Variants in CEP112 observed in about 807,000 individuals in gnomAD.
CEP112 encodes the protein centrosomal protein 112, also known as centrosomal protein of 112 kDa.
CEP112 carries 127 observed loss-of-function variants against 153.0 expected under a neutral mutation model. That is an observed-to-expected ratio of 0.83 (90% confidence interval 0.72 to 0.96). The LOEUF (loss-of-function observed/expected upper bound fraction) is 0.96. Among genes scored for constraint, CEP112 ranks in the 40% least tolerant of loss-of-function variants. The pLI is 0.00. For synonymous variants in CEP112, 358 were observed against 374.4 expected, an observed-to-expected ratio of 0.96 and a Z score of 0.51; for missense variants, 1,089 against 1,101.2, an observed-to-expected ratio of 0.99 and a Z score of 0.16.
At chr17:66,139,885 C>T (rs2146600412) in intron 4 of CEP112, among the ~76,000 whole-genome samples, 1 of 152,254 alleles carries the variant, frequency 6.6e-6, no homozygotes, top group East Asian at 1.9e-4. Flanking sequence ...CCTCCTCAAA[C>T]CCATTCAAAA....
chr17:66,105,322 C>A lies in CEP112; in HGVS notation c.643-8690G>T, dbSNP rs182291232. On this transcript the variant is annotated intron_variant, in intron 6 of 26. Coordinates refer to ENST00000535342, the MANE Select transcript of CEP112 (RefSeq NM_001199165.4). ...AAAACCAAGAAATTAAAACATACCA[C>A]GTGAGTAAATGGCTTTCACTAAAAG... Among the ~76,000 whole-genome samples the A allele has an allele frequency of 4.6e-5, 7 of 151,918 alleles. No individual in the cohort carries two copies. In the East Asian group the frequency reaches 1.2e-3, roughly 25 times the overall value.
intron 24 of CEP112, among the ~76,000 whole-genome samples, chr17:65,651,824 C>T (rs1253405200): frequency 1.3e-5 from 2 of 152,180 alleles, no homozygotes; most frequent in Admixed American, 6.5e-5. Context: ...CCTCAGCCTC[C>T]TGAGTAGCTG....
At chr17:66,012,660 A>AT (rs1210103523) in intron 16 of CEP112, among the ~76,000 whole-genome samples, 4 of 151,762 alleles carry the variant, frequency 2.6e-5, no homozygotes, top group African/African-American at 4.8e-5. Context: ...TGTCTTTAAT[A>AT]TTTTTTTTAT....
At chr17:65,681,209 G>A (rs929843638) in intron 24 of CEP112, among the ~76,000 whole-genome samples, 1 of 152,144 alleles carries the variant, frequency 6.6e-6, no homozygotes, top group African/African-American at 2.4e-5. Flanking sequence ...ACCCTAAGGG[G>A]CATAATGTCT....
chr17:66,171,286 T>C (rs931844351), intron 4 of CEP112, among the ~76,000 whole-genome samples: 5 of 152,030 alleles, frequency 3.3e-5, no homozygotes, highest in Non-Finnish European at 7.4e-5. Context: ...TTTTATAAAG[T>C]GATCAAAAAA....
chr17:65,781,792 T>C (rs1282285090), intron 21 of CEP112, among the ~76,000 whole-genome samples: 1 of 152,044 alleles, frequency 6.6e-6, no homozygotes, highest in East Asian at 1.9e-4. Flanking sequence ...GGGATATAGA[T>C]AGTGGGCTAG....
rs549947338 is a variant in CEP112 at position 65,726,264 on chromosome 17, G to A, written c.2607+16804C>T. 1.1e-4 allele frequency among the ~76,000 whole-genome samples: 17 copies of A among 152,040 alleles called. No individual in the cohort carries two copies. In the East Asian group the frequency reaches 1.4e-3, roughly 12 times the overall value. On this transcript the variant is annotated intron_variant, in intron 23 of 26. Transcript: ENST00000535342. Reference sequence around the variant, plus strand: ...TGAGGCAGGAGAATCGTTTGAACCCGGGAGGCAGAGGTTGCAGTGAGCTGA... The same window carrying A: ...TGAGGCAGGAGAATCGTTTGAACCCAGGAGGCAGAGGTTGCAGTGAGCTGA...
intron 24 of CEP112, among the ~76,000 whole-genome samples, chr17:65,676,584 C>G (rs2047243814): frequency 6.6e-6 from 1 of 152,114 alleles, no homozygotes; most frequent in African/African-American, 2.4e-5. Context: ...GTAAACTTCA[C>G]AAGGGCAAAG....
intron 20 of CEP112, among the ~76,000 whole-genome samples, chr17:65,853,171 G>A (rs951341229): frequency 2.6e-5 from 4 of 152,128 alleles, no homozygotes; most frequent in Non-Finnish European, 5.9e-5. Context: ...TAAAATCAAG[G>A]TGTTGGCAGA....
At chr17:65,764,453 C>T (rs2052814970) in intron 21 of CEP112, among the ~76,000 whole-genome samples, 1 of 152,218 alleles carries the variant, frequency 6.6e-6, no homozygotes, top group African/African-American at 2.4e-5. Context: ...GTCTAATGTG[C>T]TCTAATGTCT....
Position 65,796,654 on chromosome 17 carries a change from A to G in CEP112, c.2395-45930T>C, listed in dbSNP as rs376915475. 7.9e-5 allele frequency among the ~76,000 whole-genome samples: 12 copies of G among 152,288 alleles called. No individual in the cohort carries two copies. The South Asian group carries it at 1.0e-3, about 13-fold the overall frequency. ...AAAACAAAAATGCCTCAAACACCTC[A>G]TACAGTTTGAAAATATCAGTTAAAG... On this transcript the variant is annotated intron_variant, in intron 21 of 26. Coordinates refer to ENST00000535342, the MANE Select transcript of CEP112 (RefSeq NM_001199165.4).
chr17:65,734,185 G>C (rs887615590), intron 23 of CEP112, among the ~76,000 whole-genome samples: 1 of 152,198 alleles, frequency 6.6e-6, no homozygotes, highest in Non-Finnish European at 1.5e-5. Context: ...AACGAGGTTG[G>C]CACGAGTTTC....
intron 23 of CEP112, among the ~76,000 whole-genome samples, chr17:65,714,362 A>G (rs2049374400): frequency 6.6e-6 from 1 of 152,226 alleles, no homozygotes; most frequent in Admixed American, 6.5e-5. Flanking sequence ...CAAAATGTGA[A>G]AAAGTCAACA....
At chr17:65,826,560 A>T in intron 21 of CEP112, 1 of 1,306,772 alleles carries the variant, frequency 7.7e-7, no homozygotes, top group Non-Finnish European at 9.7e-7. Context: ...CCAGGGCTAA[A>T]GGGCCAGCAC....
intron 23 of CEP112, among the ~76,000 whole-genome samples, chr17:65,714,733 T>A (rs2049397486): frequency 6.6e-6 from 1 of 152,148 alleles, no homozygotes; most frequent in Non-Finnish European, 1.5e-5. Context: ...AATTAAGCAA[T>A]CCCATATTCT....
chr17:65,926,403 T>C (rs1008099567), intron 19 of CEP112, among the ~76,000 whole-genome samples: 5 of 152,138 alleles, frequency 3.3e-5, no homozygotes, highest in African/African-American at 4.8e-5. Context: ...AAAGGTACCA[T>C]CTTTTCTTCT....
chr17:66,034,970 T>TTTTTTGTGTGTGTGTGTGTGTGTGTG (rs1555777524), intron 12 of CEP112, among the ~76,000 whole-genome samples: 1 of 96,758 alleles, frequency 1.0e-5, no homozygotes, highest in Admixed American at 1.4e-4. Context: ...AGCTAAGTTT[T>TTTTTTGTGTGTGTGTGTGTGTGTGTG]TGCATGTATA....
intron 21 of CEP112, among the ~76,000 whole-genome samples, chr17:65,841,213 G>A (rs1057170869): frequency 1.3e-5 from 2 of 152,030 alleles, no homozygotes; most frequent in African/African-American, 4.8e-5. Flanking sequence ...GTTTATTGGA[G>A]CATTATTCAC....
intron 19 of CEP112, among the ~76,000 whole-genome samples, chr17:65,910,737 G>A (rs914615246): frequency 6.6e-6 from 1 of 152,096 alleles, no homozygotes; most frequent in Non-Finnish European, 1.5e-5. Context: ...AGTAGGAAAC[G>A]TGAAAAGAAA....
Sources: allele counts gnomAD v4.1 joint callset (sites outside exome capture counted in the v4.1 genomes callset), GRCh38; gene constraint gnomAD v4.1.1; transcripts MANE v1.5; gene names NCBI Gene and HGNC (gene_info 2026-07-23, HGNC 2026-07-21).